RHOJ: variants seen among roughly 807,000 people sequenced by gnomAD.
RHOJ encodes the protein rho-related GTP-binding protein RhoJ.
Under a neutral mutation model 23.4 loss-of-function variants are expected in RHOJ, and 11 were observed. The ratio of observed to expected loss-of-function variants is 0.47; its 90% CI spans 0.30 to 0.78. The LOEUF (loss-of-function observed/expected upper bound fraction) is 0.78, where lower values mean the gene tolerates loss of function less well. Ranked by LOEUF, RHOJ falls within the 30% of genes least tolerant of loss-of-function variation. The probability of loss-of-function intolerance (pLI) is 0.08; values close to 1 mark genes in which losing one functional copy is unlikely to be tolerated. For synonymous variants in RHOJ, 102 were observed against 102.7 expected (o/e 0.99, Z 0.04); for missense variants, 254 against 273.4 (o/e 0.93, Z 0.50).
At chr14:63,233,625 A>G (rs903240697) in intron 1 of RHOJ, among the ~76,000 whole-genome samples, 3 of 152,196 alleles carry the variant, frequency 2.0e-5, no homozygotes, top group African/African-American at 7.2e-5. Context: ...TGAAATCACA[A>G]ACTAGATTTT....
chr14:63,212,308 T>C (rs1415804536), intron 1 of RHOJ, among the ~76,000 whole-genome samples: 1 of 152,112 alleles, frequency 6.6e-6, no homozygotes, highest in Admixed American at 6.5e-5. Context: ...GAGGGAAGAA[T>C]GGATTTTGAT....
At chr14:63,256,634 G>T (rs1895170366) in intron 1 of RHOJ, among the ~76,000 whole-genome samples, 1 of 152,148 alleles carries the variant, frequency 6.6e-6, no homozygotes, top group Non-Finnish European at 1.5e-5. Context: ...AGAATAGGCT[G>T]GACCGAAGTG....
At chr14:63,249,559 T>C (rs1364990498) in intron 1 of RHOJ, among the ~76,000 whole-genome samples, 1 of 152,242 alleles carries the variant, frequency 6.6e-6, no homozygotes, top group Non-Finnish European at 1.5e-5. Flanking sequence ...AGTTTTCTCA[T>C]TTAATCATAA....
chr14:63,259,842 T>C (rs1895242531), intron 1 of RHOJ, among the ~76,000 whole-genome samples: 1 of 152,148 alleles, frequency 6.6e-6, no homozygotes, highest in African/African-American at 2.4e-5. Flanking sequence ...ATATTCTGGC[T>C]GGCGATATTA....
chr14:63,234,824 A>C (rs1351126447), intron 1 of RHOJ, among the ~76,000 whole-genome samples: 1 of 152,250 alleles, frequency 6.6e-6, no homozygotes, highest in African/African-American at 2.4e-5. Context: ...TTATGCAAAT[A>C]ACTGTTTTCT....
chr14:63,271,418 G>A (rs1239738368), intron 2 of RHOJ, among the ~76,000 whole-genome samples: 4 of 152,180 alleles, frequency 2.6e-5, no homozygotes, highest in Non-Finnish European at 4.4e-5. Flanking sequence ...ATGGGAATGT[G>A]TTACACTACA....
intron 1 of RHOJ, among the ~76,000 whole-genome samples, chr14:63,218,742 G>A (rs1894419742): frequency 6.6e-6 from 1 of 152,130 alleles, no homozygotes; most frequent in Non-Finnish European, 1.5e-5. Context: ...CTGGACACAG[G>A]AAGAAATCTT....
At chr14:63,279,062 A>C (rs1428983136) in intron 2 of RHOJ, among the ~76,000 whole-genome samples, 1 of 152,240 alleles carries the variant, frequency 6.6e-6, no homozygotes, top group Non-Finnish European at 1.5e-5. Context: ...GAGAGGAAAT[A>C]CTATTAGACA....
At chr14:63,271,355 G>C (rs543973773) in intron 2 of RHOJ, among the ~76,000 whole-genome samples, 10 of 152,172 alleles carry the variant, frequency 6.6e-5, no homozygotes, top group Non-Finnish European at 1.3e-4. Flanking sequence ...TAGGCAAAAG[G>C]ATTTGAGGCT....
chr14:63,245,040 C>A (rs1239503994), intron 1 of RHOJ, among the ~76,000 whole-genome samples: 1 of 152,166 alleles, frequency 6.6e-6, no homozygotes, highest in Non-Finnish European at 1.5e-5. Flanking sequence ...GCTATATGAC[C>A]CTCTCTGCAT....
At chr14:63,268,711 T>C (rs1474593962) in intron 1 of RHOJ, among the ~76,000 whole-genome samples, 2 of 152,134 alleles carry the variant, frequency 1.3e-5, no homozygotes. Context: ...ATAGACAAGC[T>C]ACTTACACAA....
chr14:63,256,968 A>T (rs112114534), intron 1 of RHOJ, among the ~76,000 whole-genome samples: 15,518 of 151,580 alleles, frequency 0.1, 991 homozygotes, highest in African/African-American at 0.18. Flanking sequence ...GCTACTCAGG[A>T]GTCTGAGGCA....
rs186283450 is a variant in RHOJ at position 63,208,433 on chromosome 14, T to C, written c.178+3386T>C. Among the ~76,000 whole-genome samples, 17 of 152,350 alleles carry C rather than the reference T, an allele frequency of 1.1e-4. No homozygotes were observed. In the East Asian group the frequency reaches 3.3e-3, roughly 29 times the overall value. On this transcript the variant is annotated intron_variant, in intron 1 of 4. Transcript: ENST00000316754. ...TGCTTCCTTATTTTCCCATCTCTGC[T>C]GTGCTGGGAACCCCTTAAGGGAAAG... is the stretch of plus-strand genomic sequence containing the variant.
chr14:63,276,208 G>A (rs550892411), intron 2 of RHOJ, among the ~76,000 whole-genome samples: 26 of 126,736 alleles, frequency 2.1e-4, no homozygotes, highest in Admixed American at 1.0e-3. Flanking sequence ...CCTCAGCTTC[G>A]GTGGGGGGGG....
chr14:63,246,028 G>C (rs1259815848), intron 1 of RHOJ, among the ~76,000 whole-genome samples: 1 of 152,114 alleles, frequency 6.6e-6, no homozygotes, highest in Non-Finnish European at 1.5e-5. Context: ...GTGTTTCAAA[G>C]ACCCGGCTTA....
chr14:63,282,301 CA>C, intron 3 of RHOJ, among the ~76,000 whole-genome samples: 1 of 149,170 alleles, frequency 6.7e-6, no homozygotes, highest in Non-Finnish European at 1.5e-5. Context: ...CACACACACA[CA>C]CACACACACA....
intron 1 of RHOJ, among the ~76,000 whole-genome samples, chr14:63,238,243 T>TTTGCTTGC (rs949971788): frequency 6.6e-6 from 1 of 152,168 alleles, no homozygotes; most frequent in Non-Finnish European, 1.5e-5. Flanking sequence ...TGTTTATTTG[T>TTTGCTTGC]TTGCTTGCTT....
intron 3 of RHOJ, 93 bp from the exon 4 acceptor site, chr14:63,283,028 T>G: frequency 9.9e-7 from 1 of 1,006,546 alleles, no homozygotes; most frequent in Non-Finnish European, 1.5e-6. Context: ...TTCAAAGATG[T>G]TAACAGGGAA....
intron 1 of RHOJ, among the ~76,000 whole-genome samples, chr14:63,262,100 T>C (rs928720072): frequency 7.2e-5 from 11 of 152,132 alleles, no homozygotes; most frequent in Admixed American, 2.0e-4. Flanking sequence ...ATTTCCAACA[T>C]TTCTCTTGAA....
Sources: gnomAD v4.1 joint callset for allele counts (sites outside exome capture counted in the v4.1 genomes callset) on GRCh38, gnomAD v4.1.1 for gene constraint, MANE v1.5 for transcripts, NCBI Gene and HGNC (gene_info 2026-07-23, HGNC 2026-07-21) for gene names.